Variants in SEMA3A observed in about 807,000 individuals in gnomAD.
SEMA3A encodes the protein semaphorin-3A.
A neutral mutation model predicts 97.9 loss-of-function variants in SEMA3A; 29 were observed. That is an observed-to-expected ratio of 0.30 (90% CI 0.22 to 0.40). The LOEUF is 0.40. Ranked by LOEUF, SEMA3A falls within the 10% of genes least tolerant of loss-of-function variation. The pLI is 1.00. For synonymous variants in SEMA3A, 321 were observed against 323.7 expected (o/e 0.99, Z 0.09); for missense variants, 763 against 951.3 (o/e 0.80, Z 2.60).
At chr7:84,252,224 T>C (rs560756640) in intron 3 of SEMA3A, among the ~76,000 whole-genome samples, 2 of 152,302 alleles carry the variant, frequency 1.3e-5, no homozygotes, top group East Asian at 3.9e-4. Context: ...TCAGACCACT[T>C]AATTGTTACC....
intron 3 of SEMA3A, among the ~76,000 whole-genome samples, chr7:84,293,768 C>T (rs188648038): frequency 6.2e-4 from 94 of 151,842 alleles, no homozygotes; most frequent in African/African-American, 1.9e-3. Context: ...TATAAGAATC[C>T]GTGTAAGGGG....
chr7:84,386,915 A>T (rs936256141), intron 1 of SEMA3A, among the ~76,000 whole-genome samples: 1 of 151,970 alleles, frequency 6.6e-6, no homozygotes, highest in Admixed American at 6.6e-5. Context: ...CAGGAGAAAC[A>T]CTTGAACCCA....
At chr7:84,203,553 T>C (rs1199263777) in intron 3 of SEMA3A, among the ~76,000 whole-genome samples, 2 of 122,368 alleles carry the variant, frequency 1.6e-5, no homozygotes, top group Non-Finnish European at 3.4e-5. Flanking sequence ...TTTTCTGAGA[T>C]AGAGTTTCAC....
rs542421245 is a variant in SEMA3A at position 84,215,438 on chromosome 7, C to G, written c.-82-20770G>C. On this transcript the variant is annotated intron_variant, in intron 3 of 3. Coordinates refer to the SEMA3A transcript ENST00000424555. ...CCTGACCTTAGATGATCCGCCCCCC[C>G]CTTGGCCTCCCAAAGTGCTGGGATT... Among the ~76,000 whole-genome samples the G allele has an allele frequency of 7.0e-4, 107 of 152,256 alleles. No individual in the cohort carries two copies. In the South Asian group the frequency reaches 8.5e-3, roughly 12 times the overall value.
chr7:84,024,895 C>A (rs1475968623), intron 6 of SEMA3A, among the ~76,000 whole-genome samples: 1 of 152,076 alleles, frequency 6.6e-6, no homozygotes, highest in Non-Finnish European at 1.5e-5. Context: ...CGAGACCAGC[C>A]TGGCCAATAT....
At chr7:84,077,174 C>A (rs1171164198) in intron 4 of SEMA3A, among the ~76,000 whole-genome samples, 1 of 151,972 alleles carries the variant, frequency 6.6e-6, no homozygotes, top group Non-Finnish European at 1.5e-5. Flanking sequence ...GTAAAGTAAG[C>A]TGAGTCAGAA....
chr7:84,289,598 C>T (rs1224650086), intron 3 of SEMA3A, among the ~76,000 whole-genome samples: 1 of 151,924 alleles, frequency 6.6e-6, no homozygotes, highest in African/African-American at 2.4e-5. Flanking sequence ...ACTAGGATGG[C>T]AATGATAAAA....
chr7:84,267,383 C>CA (rs1266948253), intron 3 of SEMA3A, among the ~76,000 whole-genome samples: 4 of 152,066 alleles, frequency 2.6e-5, no homozygotes, highest in Non-Finnish European at 2.9e-5. Flanking sequence ...AATGGAGGAA[C>CA]TGTTAAAACA....
intron 1 of SEMA3A, among the ~76,000 whole-genome samples, chr7:84,433,147 T>C (rs886274567): frequency 2.6e-5 from 4 of 151,918 alleles, no homozygotes; most frequent in African/African-American, 7.3e-5. Flanking sequence ...TACATAGGTA[T>C]ACATGTGCCA....
At chr7:84,003,904 G>C (rs961543414) in intron 11 of SEMA3A, among the ~76,000 whole-genome samples, 5 of 152,024 alleles carry the variant, frequency 3.3e-5, no homozygotes, top group Non-Finnish European at 5.9e-5. Context: ...TTATTTGGTA[G>C]AGAAACTTTC....
At chr7:84,027,017 TG>T (rs1791572958) in intron 6 of SEMA3A, among the ~76,000 whole-genome samples, 1 of 151,980 alleles carries the variant, frequency 6.6e-6, no homozygotes, top group East Asian at 1.9e-4. Flanking sequence ...AAAAAAAAAC[TG>T]CAAGCAAAAT....
At chr7:84,170,557 CTT>C (rs1349046381) in intron 1 of SEMA3A, among the ~76,000 whole-genome samples, 1 of 151,890 alleles carries the variant, frequency 6.6e-6, no homozygotes, top group Admixed American at 6.6e-5. Context: ...GTGCATAAAA[CTT>C]TATATGGAGA....
chr7:84,404,395 G>C (rs919927148), intron 1 of SEMA3A, among the ~76,000 whole-genome samples: 1 of 152,202 alleles, frequency 6.6e-6, no homozygotes. Context: ...GGGACTATGT[G>C]AAAAGACCAA....
At chr7:84,089,400 T>C (rs1283803788) in intron 4 of SEMA3A, among the ~76,000 whole-genome samples, 1 of 152,094 alleles carries the variant, frequency 6.6e-6, no homozygotes, top group African/African-American at 2.4e-5. Flanking sequence ...ATCTACAAAA[T>C]TTGTCAATTA....
chr7:84,220,350 A>C (rs543532568), intron 3 of SEMA3A, among the ~76,000 whole-genome samples: 1 of 152,268 alleles, frequency 6.6e-6, no homozygotes, highest in African/African-American at 2.4e-5. Context: ...TAAAATCCTC[A>C]AAGTCATCCA....
intron 12 of SEMA3A, among the ~76,000 whole-genome samples, chr7:83,998,777 T>A (rs1687514452): frequency 6.6e-6 from 1 of 152,150 alleles, no homozygotes; most frequent in African/African-American, 2.4e-5. Context: ...TTTTAAAATT[T>A]GTTATTATTA....
chr7:84,166,197 G>A (rs1466663558), intron 1 of SEMA3A, among the ~76,000 whole-genome samples: 3 of 151,710 alleles, frequency 2.0e-5, no homozygotes, highest in Non-Finnish European at 4.4e-5. Context: ...GATCACTTGG[G>A]CCCAGGAAGT....
intron 1 of SEMA3A, among the ~76,000 whole-genome samples, chr7:84,391,255 A>G (rs182876242): frequency 5.6e-4 from 85 of 152,308 alleles, no homozygotes; most frequent in Middle Eastern, 6.8e-3. Context: ...GATGTTGGCT[A>G]TAGATACAAG....
intron 1 of SEMA3A, among the ~76,000 whole-genome samples, chr7:84,485,320 T>C (rs1445949925): frequency 6.6e-6 from 1 of 152,096 alleles, no homozygotes; most frequent in Non-Finnish European, 1.5e-5. Context: ...AGTTTTTTGG[T>C]ACTATTTCAT....
Sources: gnomAD v4.1 joint callset for allele counts (sites outside exome capture counted in the v4.1 genomes callset) on GRCh38, gnomAD v4.1.1 for gene constraint, MANE v1.5 for transcripts, NCBI Gene and HGNC (gene_info 2026-07-23, HGNC 2026-07-21) for gene names.